Variants in CACNA2D1 observed in about 807,000 individuals in gnomAD.
CACNA2D1 encodes the protein voltage-dependent calcium channel subunit alpha-2/delta-1.
CACNA2D1 carries 53 observed loss-of-function variants against 171.5 expected under a neutral mutation model. The ratio of observed to expected loss-of-function variants is 0.31; its 90% CI spans 0.25 to 0.39. The LOEUF is 0.39. CACNA2D1 is among the 10% of genes least tolerant of loss of function. CACNA2D1 has a pLI of 1.00. For missense variants in CACNA2D1, 903 were observed against 1,299.8 expected (o/e 0.69, Z 4.69); for synonymous variants, 442 against 443.1 (o/e 1.00, Z 0.03).
At chr7:82,319,602 G>GA (rs1554509941) in intron 3 of CACNA2D1, among the ~76,000 whole-genome samples, 3 of 152,090 alleles carry the variant, frequency 2.0e-5, no homozygotes, top group Admixed American at 6.5e-5. Flanking sequence ...TGTTGTGCTA[G>GA]AAAAAAAGTG....
intron 28 of CACNA2D1, 124 bp downstream of exon 28, chr7:81,969,757 A>AT (rs1179488020): frequency 1.5e-6 from 1 of 675,434 alleles, no homozygotes; most frequent in East Asian, 2.7e-5. Context: ...CAAATACTCT[A>AT]TTTTTAATGA....
chr7:82,388,489 G>A (rs1824686774), intron 1 of CACNA2D1, among the ~76,000 whole-genome samples: 1 of 152,218 alleles, frequency 6.6e-6, no homozygotes, highest in Non-Finnish European at 1.5e-5. Context: ...ATCCAGGAAG[G>A]TCATAGTATC....
At chr7:82,238,677 A>T (rs1803897983) in intron 3 of CACNA2D1, among the ~76,000 whole-genome samples, 1 of 152,080 alleles carries the variant, frequency 6.6e-6, no homozygotes, top group Non-Finnish European at 1.5e-5. Context: ...TGCAAGAAGA[A>T]TCTATGAGGT....
At chr7:82,031,846 T>G (rs977725088) in intron 12 of CACNA2D1, among the ~76,000 whole-genome samples, 1 of 151,936 alleles carries the variant, frequency 6.6e-6, no homozygotes, top group African/African-American at 2.4e-5. Flanking sequence ...ACCACACCTT[T>G]CAAAATGGTG....
At chr7:82,437,433 C>G (rs1830188544) in intron 1 of CACNA2D1, among the ~76,000 whole-genome samples, 1 of 152,000 alleles carries the variant, frequency 6.6e-6, no homozygotes, top group Admixed American at 6.6e-5. Context: ...GCCACCAGTT[C>G]AAGTTTTTCT....
intron 12 of CACNA2D1, among the ~76,000 whole-genome samples, chr7:82,022,718 G>T (rs1801381420): frequency 6.6e-6 from 1 of 151,838 alleles, no homozygotes; most frequent in Admixed American, 6.6e-5. Context: ...TTTCTAGTTT[G>T]GATCTGAGAG....
chr7:82,431,895 G>A (rs575635768), intron 1 of CACNA2D1, among the ~76,000 whole-genome samples: 134 of 151,572 alleles, frequency 8.8e-4, no homozygotes, highest in African/African-American at 2.9e-3. Context: ...AAAATTAGCC[G>A]GGCATGGTGG....
At chr7:81,999,022 A>G (rs1439146545) in intron 18 of CACNA2D1, among the ~76,000 whole-genome samples, 2 of 145,760 alleles carry the variant, frequency 1.4e-5, no homozygotes, top group East Asian at 3.9e-4. Flanking sequence ...ACTGCAAAGC[A>G]AAGTCAAAAT....
intron 3 of CACNA2D1, among the ~76,000 whole-genome samples, chr7:82,229,868 G>A (rs567154433): frequency 6.6e-6 from 1 of 152,102 alleles, no homozygotes; most frequent in South Asian, 2.1e-4. Context: ...TGCATGTGAT[G>A]ATGGCTGCTA....
chr7:81,955,976 ATATAT>A (rs1451661588), intron 38 of CACNA2D1, among the ~76,000 whole-genome samples: 12 of 73,604 alleles, frequency 1.6e-4, no homozygotes, highest in African/African-American at 5.9e-4. Flanking sequence ...ATATATATAT[ATATAT>A]TTTTTTTTTT....
intron 18 of CACNA2D1, among the ~76,000 whole-genome samples, chr7:81,999,455 C>G (rs911183603): frequency 2.0e-5 from 3 of 152,080 alleles, no homozygotes; most frequent in Non-Finnish European, 2.9e-5. Flanking sequence ...ATAAATACCA[C>G]ACCATTTGTG....
At chr7:82,370,378 T>A (rs1259011555) in intron 1 of CACNA2D1, among the ~76,000 whole-genome samples, 3 of 152,038 alleles carry the variant, frequency 2.0e-5, no homozygotes, top group Non-Finnish European at 4.4e-5. Context: ...AGTGGAGCAG[T>A]ATACAGAGAA....
chr7:82,103,808 G>A (rs1263237331), intron 6 of CACNA2D1, among the ~76,000 whole-genome samples: 1 of 152,044 alleles, frequency 6.6e-6, no homozygotes, highest in East Asian at 1.9e-4. Context: ...AATATGTATA[G>A]TTAATTCTAC....
chr7:82,036,963 G>A (rs544011680), intron 11 of CACNA2D1, among the ~76,000 whole-genome samples: 5 of 152,210 alleles, frequency 3.3e-5, no homozygotes, highest in East Asian at 1.9e-4. Flanking sequence ...GCCAGGTTCC[G>A]TGGACAATCT....
chr7:82,280,714 C>T (rs943765398), intron 3 of CACNA2D1, among the ~76,000 whole-genome samples: 2 of 151,950 alleles, frequency 1.3e-5, no homozygotes, highest in African/African-American at 4.8e-5. Context: ...CAGAGTTTTG[C>T]TTTGATGCCC....
At chr7:82,153,321 A>C (rs910579813) in intron 4 of CACNA2D1, among the ~76,000 whole-genome samples, 4 of 152,050 alleles carry the variant, frequency 2.6e-5, no homozygotes, top group Admixed American at 6.6e-5. Context: ...CACTAAAAGC[A>C]AACTAGTTAT....
chr7:81,964,417 C>A, intron 32 of CACNA2D1, 58 bp from the exon 33 acceptor site: 1 of 1,330,920 alleles, frequency 7.5e-7, no homozygotes, highest in Non-Finnish European at 1.1e-6. Flanking sequence ...CAAAAATGAA[C>A]ACGGGAATCA....
At chr7:82,030,202 C>G (rs1038985268) in intron 12 of CACNA2D1, among the ~76,000 whole-genome samples, 1 of 151,536 alleles carries the variant, frequency 6.6e-6, no homozygotes, top group African/African-American at 2.4e-5. Flanking sequence ...TTTTTAGGAT[C>G]CATACATAGA....
intron 12 of CACNA2D1, among the ~76,000 whole-genome samples, chr7:82,016,263 A>C (rs1562873281): frequency 1.3e-5 from 2 of 152,122 alleles, no homozygotes; most frequent in African/African-American, 4.8e-5. Flanking sequence ...TTTAAATGCC[A>C]TACCCTAAAC....
Sources: gnomAD v4.1 joint callset for allele counts (sites outside exome capture counted in the v4.1 genomes callset) on GRCh38, gnomAD v4.1.1 for gene constraint, MANE v1.5 for transcripts, NCBI Gene and HGNC (gene_info 2026-07-23, HGNC 2026-07-21) for gene names.